Variants in ANKS1B observed in about 807,000 individuals in gnomAD.
ANKS1B encodes the protein ankyrin repeat and sterile alpha motif domain containing 1B.
ANKS1B carries 36 observed loss-of-function variants against 148.3 expected under a neutral mutation model. The ratio of observed to expected loss-of-function variants is 0.24; its 90% CI spans 0.19 to 0.32. The LOEUF (loss-of-function observed/expected upper bound fraction) is 0.32. Among genes scored for constraint, ANKS1B ranks in the 10% least tolerant of loss-of-function variants. The pLI, the probability that ANKS1B is intolerant of heterozygous loss-of-function variation, is 1.00. For synonymous variants in ANKS1B, 542 were observed against 560.8 expected (o/e 0.97, Z 0.47); for missense variants, 1,157 against 1,542.6 (o/e 0.75, Z 4.19).
chr12:99,670,390 G>A (rs1191468742), intron 8 of ANKS1B, among the ~76,000 whole-genome samples: 6 of 152,004 alleles, frequency 3.9e-5, no homozygotes, highest in Non-Finnish European at 8.8e-5. Flanking sequence ...TTGCATCAGT[G>A]AATACACATA....
At chr12:98,919,005 C>T (rs1422844483) in intron 17 of ANKS1B, among the ~76,000 whole-genome samples, 2 of 152,072 alleles carry the variant, frequency 1.3e-5, no homozygotes, top group Non-Finnish European at 2.9e-5. Flanking sequence ...TAGTTGTTTT[C>T]CTTTTCATTT....
intron 1 of ANKS1B, among the ~76,000 whole-genome samples, chr12:99,973,664 A>AGTC (rs1396641358): frequency 5.3e-5 from 8 of 152,220 alleles, no homozygotes; most frequent in African/African-American, 1.9e-4. Flanking sequence ...TCTAACTCTT[A>AGTC]TGACTGATTT....
chr12:99,269,971 G>C (rs985387572), intron 12 of ANKS1B, among the ~76,000 whole-genome samples: 6 of 152,156 alleles, frequency 3.9e-5, no homozygotes, highest in African/African-American at 1.4e-4. Context: ...TTTCAGGTGA[G>C]AATTTTTGGC....
chr12:99,833,025 A>G (rs1168576672), intron 1 of ANKS1B, among the ~76,000 whole-genome samples: 1 of 152,228 alleles, frequency 6.6e-6, no homozygotes, highest in Non-Finnish European at 1.5e-5. Flanking sequence ...GACTATAAGA[A>G]AGTTACTATT....
intron 12 of ANKS1B, among the ~76,000 whole-genome samples, chr12:99,286,138 GATTCAC>G (rs1217604705): frequency 6.6e-6 from 1 of 151,414 alleles, no homozygotes; most frequent in African/African-American, 2.4e-5. Flanking sequence ...GCAGCTCCAG[GATTCAC>G]ACCTTCCTTC....
intron 8 of ANKS1B, among the ~76,000 whole-genome samples, chr12:99,771,517 A>T (rs1384465445): frequency 6.6e-6 from 1 of 152,090 alleles, no homozygotes. Context: ...GTTCTAACTA[A>T]CTTTCAAGGA....
At chr12:99,143,220 G>A (rs531893840) in intron 15 of ANKS1B, among the ~76,000 whole-genome samples, 83 of 152,182 alleles carry the variant, frequency 5.5e-4, no homozygotes, top group African/African-American at 1.8e-3. Context: ...GTATAACAAT[G>A]TGAAATCTAA....
At chr12:99,559,732 T>TAA (rs2097313315) in intron 9 of ANKS1B, among the ~76,000 whole-genome samples, 1 of 152,134 alleles carries the variant, frequency 6.6e-6, no homozygotes, top group Non-Finnish European at 1.5e-5. Flanking sequence ...ATAACAAAAG[T>TAA]CAGATATTTC....
intron 1 of ANKS1B, among the ~76,000 whole-genome samples, chr12:99,958,096 G>A (rs1212179352): frequency 6.6e-6 from 1 of 152,194 alleles, no homozygotes; most frequent in Non-Finnish European, 1.5e-5. Flanking sequence ...TCCTTGAAGA[G>A]ATGACTATGC....
chr12:99,332,708 T>C (rs551849823), intron 12 of ANKS1B, among the ~76,000 whole-genome samples: 49 of 151,976 alleles, frequency 3.2e-4, no homozygotes, highest in African/African-American at 1.2e-3. Flanking sequence ...AAAAGCTTTT[T>C]TTCTTTTTTC....
chr12:99,659,433 T>G (rs1301666934), intron 8 of ANKS1B, among the ~76,000 whole-genome samples: 1 of 152,146 alleles, frequency 6.6e-6, no homozygotes, highest in Non-Finnish European at 1.5e-5. Context: ...TCTATACAGT[T>G]TGAACCCATT....
At chr12:99,015,490 C>T (rs75939734) in intron 17 of ANKS1B, among the ~76,000 whole-genome samples, 3,813 of 152,176 alleles carry the variant, frequency 0.025, 144 homozygotes, top group African/African-American at 0.087. Context: ...GTAACAAACT[C>T]GCACTTGTAC....
chr12:99,749,747 A>C lies in ANKS1B; in HGVS notation c.1128+23175T>G, dbSNP rs1473175585. Reference sequence around the variant, plus strand: ...TTTCCTTAAGGGAGTCAATATAAACAAAAGAAGGTCCAGGGCTATATTGGT... The same window carrying C: ...TTTCCTTAAGGGAGTCAATATAAACCAAAGAAGGTCCAGGGCTATATTGGT... On this transcript the variant is annotated intron_variant, in intron 8 of 26. Transcript: ENST00000683438. 2.6e-5 allele frequency among the ~76,000 whole-genome samples: 4 copies of C among 152,038 alleles called. No homozygotes were observed. In the East Asian group the frequency reaches 7.7e-4, roughly 29 times the overall value.
chr12:99,193,746 TC>T (rs1225775076), intron 14 of ANKS1B, among the ~76,000 whole-genome samples: 2 of 151,086 alleles, frequency 1.3e-5, no homozygotes, highest in African/African-American at 4.8e-5. Context: ...CCACTGAATC[TC>T]TGGGGACCTA....
chr12:99,775,210 T>C (rs2063546235), intron 7 of ANKS1B, among the ~76,000 whole-genome samples: 1 of 152,170 alleles, frequency 6.6e-6, no homozygotes, highest in African/African-American at 2.4e-5. Flanking sequence ...ATTAGCTTGA[T>C]TTTGGCAATT....
At chr12:99,050,319 A>G (rs747777017) in intron 17 of ANKS1B, among the ~76,000 whole-genome samples, 3 of 152,182 alleles carry the variant, frequency 2.0e-5, no homozygotes, top group Non-Finnish European at 4.4e-5. Flanking sequence ...TCTATTGGGC[A>G]TACAAATTTT....
chr12:99,449,884 GATCTATCC>G (rs1355979977), intron 10 of ANKS1B, among the ~76,000 whole-genome samples: 3 of 149,104 alleles, frequency 2.0e-5, no homozygotes, highest in Admixed American at 6.8e-5. Flanking sequence ...GGACCAACAG[GATCTATCC>G]ATCTATCTAT....
intron 14 of ANKS1B, among the ~76,000 whole-genome samples, chr12:99,210,872 C>T (rs2083259735): frequency 6.6e-6 from 1 of 152,200 alleles, no homozygotes; most frequent in Non-Finnish European, 1.5e-5. Flanking sequence ...AGGATAATAG[C>T]AGTCTCCCTG....
chr12:99,525,618 A>G (rs2096919796), intron 9 of ANKS1B, among the ~76,000 whole-genome samples: 1 of 152,258 alleles, frequency 6.6e-6, no homozygotes, highest in Non-Finnish European at 1.5e-5. Flanking sequence ...CACGGGTTAT[A>G]TAATAATTGT....
Sources: gnomAD v4.1 joint callset for allele counts (sites outside exome capture counted in the v4.1 genomes callset) on GRCh38, gnomAD v4.1.1 for gene constraint, MANE v1.5 for transcripts, NCBI Gene and HGNC (gene_info 2026-07-23, HGNC 2026-07-21) for gene names.